Variants in SUGT1 observed in about 807,000 individuals in gnomAD.
The protein encoded by SUGT1 is SGT1 assembly cochaperone of MIS12 kinetochore complex.
In SUGT1, 15 loss-of-function variants were observed where a neutral mutation model predicts 56.1. That is an observed-to-expected ratio of 0.27 (90% confidence interval 0.18 to 0.41). The LOEUF is 0.41. Ranked by LOEUF, SUGT1 falls within the 10% of genes least tolerant of loss-of-function variation. SUGT1 has a pLI of 1.00. For synonymous variants in SUGT1, 123 were observed against 128.6 expected, an observed-to-expected ratio of 0.96 and a Z score of 0.30; for missense variants, 347 against 382.2, an observed-to-expected ratio of 0.91 and a Z score of 0.77.
intron 2 of SUGT1, 143 bp from the exon 3 acceptor site, chr13:52,657,389 G>T (rs1232611221): frequency 6.6e-6 from 5 of 752,542 alleles, no homozygotes; most frequent in Non-Finnish European, 1.1e-5. Flanking sequence ...CTTTTATAAG[G>T]AAAAACTCCA....
chr13:52,664,551 T>C (rs901131669), intron 8 of SUGT1, among the ~76,000 whole-genome samples: 19 of 152,352 alleles, frequency 1.2e-4, no homozygotes, highest in African/African-American at 4.6e-4. Flanking sequence ...CTTGTATTCT[T>C]AGGACCGTAA....
In SUGT1 at chr13:52,699,813, G is replaced by A. The variant is rs941794116; in HGVS notation, c.*11978G>A. ...TAGAAGGAACCCTGAAGGACAGGAC[G>A]CCATAGAAATCCTGTTTTTTTAAAA... is the stretch of plus-strand genomic sequence containing the variant. On this transcript the variant is annotated 3_prime_UTR_variant, in exon 13 of 13. Transcript: ENST00000310528. The A allele has an allele frequency of 2.6e-5, 4 of 152,264 alleles. No individual in the cohort carries two copies. The highest frequency in any genetic ancestry group is 3.9e-4 in the East Asian group (2 of 5,184). The allele number at this position is 152,264 out of a possible 1,614,324, so 9.4% of individuals were successfully genotyped here.
At chr13:52,670,276 G>A (rs936345407) in intron 10 of SUGT1, among the ~76,000 whole-genome samples, 3 of 152,108 alleles carry the variant, frequency 2.0e-5, no homozygotes, top group Non-Finnish European at 4.4e-5. Context: ...TATCCAATAT[G>A]TTTTTCCAAG....
At chr13:52,664,867 G>A (rs768286220) in intron 8 of SUGT1, among the ~76,000 whole-genome samples, 3 of 152,078 alleles carry the variant, frequency 2.0e-5, no homozygotes, top group South Asian at 4.1e-4. Context: ...CTTAATATAC[G>A]TGTACCGGAC....
chr13:52,672,255 C>CAGT (rs1962974867), intron 10 of SUGT1, among the ~76,000 whole-genome samples: 1 of 152,136 alleles, frequency 6.6e-6, no homozygotes, highest in South Asian at 2.1e-4. Flanking sequence ...ATACATAGGT[C>CAGT]AGTCACTACA....
chr13:52,666,113 A>T (rs552473537), intron 9 of SUGT1, among the ~76,000 whole-genome samples: 1 of 152,314 alleles, frequency 6.6e-6, no homozygotes, highest in East Asian at 1.9e-4. Context: ...TTTGAGACAG[A>T]GTCTCGCTCT....
At position 52,657,518 on chromosome 13, in the gene SUGT1, G is replaced by A. The variant is rs777201449; in HGVS notation, c.97-14G>A. Reference sequence around the variant, plus strand: ...ACAAACTTTTACTGACGCTCCACATGTTTGTTTTTGTAGGAGCTGACTAAG... The same window carrying A: ...ACAAACTTTTACTGACGCTCCACATATTTGTTTTTGTAGGAGCTGACTAAG... On this transcript the variant is annotated splice_polypyrimidine_tract_variant and intron_variant, in intron 2 of 12. Transcript: ENST00000310528. 1.9e-6 allele frequency: 3 copies of A among 1,610,352 alleles called. No individual in the cohort carries two copies. In the South Asian group the frequency reaches 3.3e-5, roughly 18 times the overall value.
At chr13:52,664,587 G>A (rs1480812202) in intron 8 of SUGT1, among the ~76,000 whole-genome samples, 1 of 152,178 alleles carries the variant, frequency 6.6e-6, no homozygotes, top group Non-Finnish European at 1.5e-5. Flanking sequence ...TTGATCTGGA[G>A]CTTTGCATCC....
At chr13:52,679,337 G>A (rs1009330480) in intron 11 of SUGT1, among the ~76,000 whole-genome samples, 2 of 152,192 alleles carry the variant, frequency 1.3e-5, no homozygotes, top group Non-Finnish European at 2.9e-5. Flanking sequence ...TTATTTGCTA[G>A]GTGTATGGGA....
chr13:52,695,442 CTTT>C lies in SUGT1; in HGVS notation c.*7611_*7613del, dbSNP rs1963902086. The C allele has an allele frequency of 6.6e-6, 1 of 152,056 alleles. No individual in the cohort carries two copies. The highest frequency in any genetic ancestry group is 1.5e-5 in the Non-Finnish European group (1 of 67,990). 9.4% of individuals were successfully genotyped at this position (152,056 alleles called of 1,614,324 possible). ...TTTGAGGGCAAGTGACTTATCTGAA[CTTT>C]TTTCTTTTTTATAACACTGGATGAT... On this transcript the variant is annotated 3_prime_UTR_variant, in exon 13 of 13. Transcript: ENST00000310528.
chr13:52,681,636 G>A (rs537823764), intron 12 of SUGT1, among the ~76,000 whole-genome samples: 2 of 151,906 alleles, frequency 1.3e-5, no homozygotes, highest in East Asian at 3.9e-4. Flanking sequence ...AGGATCCCTT[G>A]AGGCTAGACC....
chr13:52,667,367 CGG>C (rs752525795), intron 10 of SUGT1, among the ~76,000 whole-genome samples: 2 of 152,026 alleles, frequency 1.3e-5, no homozygotes, highest in Admixed American at 6.6e-5. Flanking sequence ...GTTGTTGAGA[CGG>C]AGTCTTGCTT....
Position 52,689,185 on chromosome 13 carries a change from G to A in SUGT1, c.*1350G>A, listed in dbSNP as rs1318457280. The A allele has an allele frequency of 3.3e-5, 5 of 152,070 alleles. No homozygotes were observed. The highest frequency in any genetic ancestry group is 7.4e-5 in the Non-Finnish European group (5 of 68,026). The allele number at this position is 152,070 out of a possible 1,614,324, so 9.4% of individuals were successfully genotyped here. A position where few individuals can be genotyped will look rare whatever the true frequency, so the allele number is the denominator to read the frequency against. On this transcript the variant is annotated 3_prime_UTR_variant, in exon 13 of 13. Transcript: ENST00000310528. ...GAGTTACTAAGGAAAGTTTCAGTAA[G>A]GTGATACCAGATGGTGCCCAAACCT... is the stretch of plus-strand genomic sequence containing the variant.
chr13:52,669,866 A>G (rs866336782), intron 10 of SUGT1, among the ~76,000 whole-genome samples: 1 of 152,156 alleles, frequency 6.6e-6, no homozygotes, highest in Non-Finnish European at 1.5e-5. Context: ...GAGGGAGACA[A>G]TATTAAAATA....
chr13:52,667,118 TAGAG>T (rs1303014895), intron 10 of SUGT1, among the ~76,000 whole-genome samples, 199 bp downstream of exon 10: 1 of 152,178 alleles, frequency 6.6e-6, no homozygotes, highest in African/African-American at 2.4e-5. Flanking sequence ...AAAATCCACT[TAGAG>T]TGTGTGGCAT....
At chr13:52,655,797 C>T (rs1309981750) in intron 2 of SUGT1, among the ~76,000 whole-genome samples, 1 of 152,166 alleles carries the variant, frequency 6.6e-6, no homozygotes, top group African/African-American at 2.4e-5. Context: ...GCCTCTGGGA[C>T]ATTTCAGGTA....
Position 52,688,233 on chromosome 13 carries a change from C to A in SUGT1, c.*398C>A, listed in dbSNP as rs533568488. 5.2e-5 allele frequency: 8 copies of A among 153,024 alleles called. No individual in the cohort carries two copies. Among genetic ancestry groups the A allele is most frequent in the African/African-American group, 1.9e-4 (8 of 41,572 alleles). 9.5% of individuals were successfully genotyped at this position (153,024 alleles called of 1,614,324 possible). A position where few individuals can be genotyped will look rare whatever the true frequency, so the allele number is the denominator to read the frequency against. On this transcript the variant is annotated 3_prime_UTR_variant, in exon 13 of 13. Transcript: ENST00000310528. ...CTTAGATTTTTCACCTTCAGTGTTA[C>A]ATTGTGTTTGCTTTTAAAAACTGCT... is the stretch of plus-strand genomic sequence containing the variant.
chr13:52,667,512 A>C (rs1962760284), intron 10 of SUGT1, among the ~76,000 whole-genome samples: 1 of 151,936 alleles, frequency 6.6e-6, no homozygotes, highest in Non-Finnish European at 1.5e-5. Flanking sequence ...GCCCTGCTTA[A>C]TTTTTGTATT....
intron 12 of SUGT1, chr13:52,687,084 A>AAAG (rs1963621342): frequency 6.6e-6 from 1 of 150,652 alleles, no homozygotes; most frequent in Admixed American, 6.6e-5. Context: ...AAAAAAAAAA[A>AAAG]AAAAAAAAGA....
Sources: allele counts gnomAD v4.1 joint callset (sites outside exome capture counted in the v4.1 genomes callset), GRCh38; gene constraint gnomAD v4.1.1; transcripts MANE v1.5; gene names NCBI Gene and HGNC (gene_info 2026-07-23, HGNC 2026-07-21).